PROS1: variants seen among roughly 807,000 people sequenced by gnomAD.
PROS1 encodes vitamin K-dependent protein S.
Under a neutral mutation model 75.9 loss-of-function variants are expected in PROS1, and 29 were observed. The observed-to-expected ratio is 0.38, with a 90% CI of 0.28 to 0.52. The LOEUF (loss-of-function observed/expected upper bound fraction) is 0.52. Among genes scored for constraint, PROS1 ranks in the 20% least tolerant of loss-of-function variants. PROS1 has a pLI of 0.83. For missense variants in PROS1, 680 were observed against 810.3 expected, an observed-to-expected ratio of 0.84 and a Z score of 1.95; for synonymous variants, 245 against 280.6, an observed-to-expected ratio of 0.87 and a Z score of 1.27.
At chr3:93,884,005 T>C (rs1473235547) in intron 12 of PROS1, among the ~76,000 whole-genome samples, 1 of 152,096 alleles carries the variant, frequency 6.6e-6, no homozygotes, top group African/African-American at 2.4e-5. Context: ...TTAAGGGTAA[T>C]CCTGGCACCA....
intron 1 of PROS1, among the ~76,000 whole-genome samples, chr3:93,973,201 A>G (rs1709907123): frequency 1.3e-5 from 2 of 152,208 alleles, no homozygotes; most frequent in African/African-American, 2.4e-5. Context: ...CATTTCGTTA[A>G]TGTGAGACAA....
At chr3:93,922,506 A>G (rs1294855217) in intron 3 of PROS1, among the ~76,000 whole-genome samples, 1 of 152,242 alleles carries the variant, frequency 6.6e-6, no homozygotes, top group African/African-American at 2.4e-5. Flanking sequence ...AAGATAGTAC[A>G]TGGAATATGT....
chr3:93,873,144 T>A lies in PROS1; in HGVS notation c.*1101A>T, dbSNP rs1420559317. 2.0e-5 allele frequency: 3 copies of A among 152,196 alleles called. No homozygotes were observed. The highest frequency in any genetic ancestry group is 4.4e-5 in the Non-Finnish European group (3 of 68,024). The allele number at this position is 152,196 out of a possible 1,614,324, so 9.4% of individuals were successfully genotyped here. On this transcript the variant is annotated 3_prime_UTR_variant, in exon 15 of 15. Transcript: ENST00000394236. ...ATACACCGATTTATTATAAGTGATA[T>A]AAAATACAGTGAAAAGAATTTATTG... is the stretch of plus-strand genomic sequence containing the variant.
intron 7 of PROS1, among the ~76,000 whole-genome samples, chr3:93,900,575 G>A (rs1708577159): frequency 6.6e-6 from 1 of 152,150 alleles, no homozygotes; most frequent in African/African-American, 2.4e-5. Flanking sequence ...CCAATTCATA[G>A]GTAGCTCAAA....
In PROS1 at chr3:93,964,915, G is replaced by A. The variant is rs548418068; in HGVS notation, c.76+8759C>T. ...ATGTTGAAATATTGAGGGCAGGTTC[G>A]GATTTCCTAGGCCAACTAAGAATCC... On this transcript the variant is annotated intron_variant, in intron 1 of 14. Transcript: ENST00000394236. 9.9e-5 allele frequency among the ~76,000 whole-genome samples: 15 copies of A among 152,262 alleles called. No homozygotes were observed. In the South Asian group the frequency reaches 2.1e-3, roughly 21 times the overall value.
chr3:93,973,641 G>C lies in PROS1; in HGVS notation c.76+33C>G, dbSNP rs1021136120. On this transcript the variant is annotated intron_variant, in intron 1 of 14. Transcript: ENST00000394236. ...GCACGCAGTTCAGTCGACAATGCTG[G>C]GGAAGGGAGAAGAGACGCTATTGAT... 7.5e-6 allele frequency: 12 copies of C among 1,605,654 alleles called. No individual in the cohort carries two copies. The Admixed American group carries it at 8.4e-5, about 11-fold the overall frequency.
intron 1 of PROS1, chr3:93,958,371 T>C (rs2107256072): frequency 6.6e-6 from 1 of 152,266 alleles, no homozygotes; most frequent in Non-Finnish European, 1.5e-5. Flanking sequence ...TCAAACATCA[T>C]CCTGCCCTTT....
intron 1 of PROS1, among the ~76,000 whole-genome samples, chr3:93,963,293 G>A (rs774276280): frequency 3.1e-4 from 47 of 152,070 alleles, no homozygotes; most frequent in African/African-American, 1.0e-3. Context: ...CATCATAAGC[G>A]GGATGCTGTC....
intron 8 of PROS1, 106 bp from the exon 9 acceptor site, chr3:93,896,797 T>A (rs1708508261): frequency 1.3e-6 from 1 of 780,064 alleles, no homozygotes; most frequent in East Asian, 2.5e-5. Flanking sequence ...TAATGTATCA[T>A]CTGTAATACA....
chr3:93,971,947 G>C (rs1266040540), intron 1 of PROS1, among the ~76,000 whole-genome samples: 1 of 152,002 alleles, frequency 6.6e-6, no homozygotes, highest in Non-Finnish European at 1.5e-5. Flanking sequence ...AAGCATTATG[G>C]GGCCAACTAT....
intron 1 of PROS1, among the ~76,000 whole-genome samples, chr3:93,934,491 T>C (rs1709153433): frequency 6.6e-6 from 1 of 152,222 alleles, no homozygotes; most frequent in Admixed American, 6.5e-5. Context: ...TATGCAACGA[T>C]TTCTTCTCAT....
chr3:93,949,152 G>T (rs1399280384), intron 1 of PROS1, among the ~76,000 whole-genome samples: 14 of 152,142 alleles, frequency 9.2e-5, no homozygotes, highest in Non-Finnish European at 1.5e-4. Flanking sequence ...CTCAGTAAGG[G>T]CCAGGACCAA....
At chr3:93,972,656 T>G (rs1398117321) in intron 1 of PROS1, among the ~76,000 whole-genome samples, 1 of 147,160 alleles carries the variant, frequency 6.8e-6, no homozygotes, top group African/African-American at 2.5e-5. Context: ...CTGGCCAACA[T>G]GGTGAAACCC....
intron 1 of PROS1, among the ~76,000 whole-genome samples, chr3:93,956,427 G>A (rs1156247412): frequency 6.6e-6 from 1 of 151,912 alleles, no homozygotes; most frequent in African/African-American, 2.4e-5. Context: ...AGCCTGGGAG[G>A]CTGAGGCTGC....
chr3:93,914,790 T>C (rs1321720971), intron 3 of PROS1, among the ~76,000 whole-genome samples: 1 of 152,218 alleles, frequency 6.6e-6, no homozygotes, highest in Non-Finnish European at 1.5e-5. Context: ...CAGTGTACAC[T>C]GTACCCAATA....
At position 93,894,690 on chromosome 3, in the gene PROS1, C is replaced by T. The variant is rs557277754; in HGVS notation, c.966-1568G>A. On this transcript the variant is annotated intron_variant, in intron 9 of 14. Transcript: ENST00000394236. The stretch of plus-strand genomic sequence containing the variant: ...CAGGAAAATAGAATGAATTTGTTGA[C>T]ATTTACGGAGGGAAAGTATTTGATC... 7.9e-5 allele frequency among the ~76,000 whole-genome samples: 12 copies of T among 152,062 alleles called. No individual in the cohort carries two copies. In the South Asian group the frequency reaches 2.5e-3, roughly 32 times the overall value.
chr3:93,942,369 G>T (rs987165962), intron 1 of PROS1, among the ~76,000 whole-genome samples: 1 of 152,162 alleles, frequency 6.6e-6, no homozygotes, highest in African/African-American at 2.4e-5. Flanking sequence ...ACTATGCAAA[G>T]GTCCTCCATC....
At chr3:93,938,278 CTG>C (rs1406299058) in intron 1 of PROS1, among the ~76,000 whole-genome samples, 2 of 152,182 alleles carry the variant, frequency 1.3e-5, no homozygotes, top group East Asian at 3.9e-4. Flanking sequence ...ACCCCTTTGA[CTG>C]TAATTTTCCA....
At chr3:93,895,334 T>A (rs1708488634) in intron 9 of PROS1, among the ~76,000 whole-genome samples, 1 of 152,206 alleles carries the variant, frequency 6.6e-6, no homozygotes, top group Non-Finnish European at 1.5e-5. Context: ...ATTATTCTCA[T>A]AGCAGGGAAG....
Sources: allele counts gnomAD v4.1 joint callset (sites outside exome capture counted in the v4.1 genomes callset), GRCh38; gene constraint gnomAD v4.1.1; transcripts MANE v1.5; gene names NCBI Gene and HGNC (gene_info 2026-07-23, HGNC 2026-07-21).